Variants in PRPSAP1 observed in about 807,000 individuals in gnomAD.
PRPSAP1 encodes phosphoribosyl pyrophosphate synthase-associated protein 1.
Under a neutral mutation model 39.4 loss-of-function variants are expected in PRPSAP1, and 31 were observed. The ratio of observed to expected loss-of-function variants is 0.79; its 90% CI spans 0.59 to 1.06. The LOEUF (loss-of-function observed/expected upper bound fraction) is 1.06, where lower values mean the gene tolerates loss of function less well. Ranked by LOEUF, PRPSAP1 falls within the 50% of genes least tolerant of loss-of-function variation. PRPSAP1 has a pLI of 0.00. For synonymous variants in PRPSAP1, 212 were observed against 192.6 expected (o/e 1.10, Z -0.83); for missense variants, 430 against 511.6 (o/e 0.84, Z 1.54).
intron 6 of PRPSAP1, among the ~76,000 whole-genome samples, chr17:76,329,766 T>C (rs2071300573): frequency 6.6e-6 from 1 of 151,990 alleles, no homozygotes; most frequent in South Asian, 2.1e-4. Flanking sequence ...AACCATTGCT[T>C]GAAAAATGCT....
intron 3 of PRPSAP1, among the ~76,000 whole-genome samples, chr17:76,335,213 T>C: frequency 6.6e-6 from 1 of 152,036 alleles, no homozygotes; most frequent in South Asian, 2.1e-4. Context: ...CCTCCCAAAG[T>C]GCTGGGATTA....
chr17:76,340,462 G>C (rs1039852336), intron 3 of PRPSAP1, among the ~76,000 whole-genome samples: 1 of 151,458 alleles, frequency 6.6e-6, no homozygotes, highest in Non-Finnish European at 1.5e-5. Context: ...CATCACTCTA[G>C]ATTGCACGTG....
At chr17:76,353,479 C>T (rs979479580) in intron 1 of PRPSAP1, 55 bp downstream of exon 1, 10 of 1,430,996 alleles carry the variant, frequency 7.0e-6, no homozygotes, top group Non-Finnish European at 9.1e-6. Flanking sequence ...CCTCCGGGCG[C>T]GAAGGAGAGC....
chr17:76,317,494 G>A (rs1435975648), intron 7 of PRPSAP1, among the ~76,000 whole-genome samples: 15 of 152,194 alleles, frequency 9.9e-5, no homozygotes, highest in Non-Finnish European at 1.5e-4. Context: ...CTGCACTCTA[G>A]CCTGGGTGAC....
chr17:76,346,494 C>T (rs1036262416), intron 2 of PRPSAP1, among the ~76,000 whole-genome samples: 2 of 152,194 alleles, frequency 1.3e-5, no homozygotes, highest in Admixed American at 1.3e-4. Flanking sequence ...CATCTGTTGG[C>T]ACCTGACCCC....
At chr17:76,342,691 AT>A (rs2071452281) in intron 3 of PRPSAP1, among the ~76,000 whole-genome samples, 6 of 150,290 alleles carry the variant, frequency 4.0e-5, no homozygotes, top group Non-Finnish European at 8.9e-5. Context: ...GCATTCCTGC[AT>A]GAGTGACACA....
At chr17:76,313,449 G>C (rs2071089703) in intron 8 of PRPSAP1, 3 of 263,210 alleles carry the variant, frequency 1.1e-5, no homozygotes, top group Non-Finnish European at 2.2e-5. Flanking sequence ...TCAACATGCA[G>C]AACGAGTCTG....
At chr17:76,312,632 A>G (rs1460615400) in intron 9 of PRPSAP1, among the ~76,000 whole-genome samples, 1 of 152,202 alleles carries the variant, frequency 6.6e-6, no homozygotes, top group Non-Finnish European at 1.5e-5. Context: ...AATACTATAC[A>G]TTACATCGTA....
intron 1 of PRPSAP1, among the ~76,000 whole-genome samples, chr17:76,352,680 AAAAAG>A (rs146704630): frequency 0.01 from 1,527 of 151,166 alleles, 31 homozygotes; most frequent in African/African-American, 0.036. Flanking sequence ...AAAGAAAAAG[AAAAAG>A]AAAAGAGGCC....
intron 3 of PRPSAP1, 39 bp from the exon 4 acceptor site, chr17:76,332,474 T>C (rs568129790): frequency 6.2e-6 from 10 of 1,608,044 alleles, no homozygotes; most frequent in African/African-American, 1.3e-5. Context: ...ATTAATTCCA[T>C]GTATCAACCC....
intron 4 of PRPSAP1, among the ~76,000 whole-genome samples, chr17:76,332,020 A>C (rs911525693): frequency 6.6e-6 from 1 of 152,226 alleles, no homozygotes; most frequent in Non-Finnish European, 1.5e-5. Context: ...AAGATGAAAT[A>C]GAAAATATGT....
upstream of PRPSAP1, chr17:76,354,106 G>A (rs1469852986): frequency 2.0e-6 from 2 of 1,020,078 alleles, no homozygotes; most frequent in South Asian, 4.2e-5. Flanking sequence ...TTCTTGGGAG[G>A]AGCAGCCTAC....
intron 7 of PRPSAP1, among the ~76,000 whole-genome samples, chr17:76,322,820 CACAAAAAAT>C: frequency 6.6e-6 from 1 of 151,934 alleles, no homozygotes; most frequent in South Asian, 2.1e-4. Flanking sequence ...ACTCCGTCTC[CACAAAAAAT>C]ACAAAAATTA....
In PRPSAP1 at chr17:76,341,245, T is replaced by G. The variant is rs561857237; in HGVS notation, c.290+3426A>C. ...TTTGACTTTTTTTTGTTTTTTTTTT[T>G]TTTTTTTTTTGAGATAAGATCTGGC... On this transcript the variant is annotated intron_variant, in intron 3 of 9. Transcript: ENST00000446526. Among the ~76,000 whole-genome samples, 158 of 149,560 alleles carry G rather than the reference T, an allele frequency of 1.1e-3. 3 individuals carry two copies. The highest frequency in any genetic ancestry group is 8.4e-3 in the East Asian group (43 of 5,126).
In PRPSAP1 at chr17:76,353,674, C is replaced by A; in HGVS notation, c.30G>T (p.Pro10=). The A allele has an allele frequency of 3.3e-6, 5 of 1,517,166 alleles. No homozygotes were observed. The highest frequency in any genetic ancestry group is 1.2e-5 in the South Asian group (1 of 81,356). The allele number at this position is 1,517,166 out of a possible 1,614,324, so 94.0% of individuals were successfully genotyped here. The change falls in exon 1 of 10, where the codon CCG becomes CCT. Residue 10 remains proline, a synonymous_variant. Transcript: ENST00000446526. MPKKLLLLP[P]PSASSAFRVP... ...CGCGGAAAGCCGAGGACGCGGAGGG[C>A]GGGGGCAACAGCAGCAGCTTCTTGG...
chr17:76,350,371 G>A (rs1208623442), intron 1 of PRPSAP1, among the ~76,000 whole-genome samples: 2 of 151,810 alleles, frequency 1.3e-5, no homozygotes, highest in Non-Finnish European at 2.9e-5. Context: ...CCCAGGGGGC[G>A]GAGCTTACAG....
At chr17:76,351,916 C>T (rs2071578074) in intron 1 of PRPSAP1, among the ~76,000 whole-genome samples, 1 of 152,060 alleles carries the variant, frequency 6.6e-6, no homozygotes, top group Non-Finnish European at 1.5e-5. Context: ...CCACTAGATA[C>T]ACACAGAAGC....
At chr17:76,349,135 A>G (rs1288678475) in intron 1 of PRPSAP1, among the ~76,000 whole-genome samples, 8 of 151,852 alleles carry the variant, frequency 5.3e-5, no homozygotes, top group African/African-American at 1.9e-4. Flanking sequence ...ACATGGAGAA[A>G]CCCCGTCTAA....
intron 7 of PRPSAP1, among the ~76,000 whole-genome samples, chr17:76,320,607 G>C (rs1490086948): frequency 5.6e-5 from 6 of 106,954 alleles, no homozygotes; most frequent in Non-Finnish European, 1.1e-4. Flanking sequence ...TTTTTTTTTT[G>C]TATTTCTAGT....
Sources: gnomAD v4.1 joint callset for allele counts (sites outside exome capture counted in the v4.1 genomes callset) on GRCh38, gnomAD v4.1.1 for gene constraint, MANE v1.5 for transcripts, NCBI Gene and HGNC (gene_info 2026-07-23, HGNC 2026-07-21) for gene names.